Variants in FAM229B observed in about 807,000 individuals in gnomAD.
The protein encoded by FAM229B is family with sequence similarity 229 member B, also known as protein FAM229B.
FAM229B carries 2 observed loss-of-function variants against 6.7 expected under a neutral mutation model. The ratio of observed to expected loss-of-function variants is 0.30; its 90% CI spans 0.12 to 0.94. The LOEUF (loss-of-function observed/expected upper bound fraction) is 0.94. Ranked by LOEUF, FAM229B falls within the 40% of genes least tolerant of loss-of-function variation. The pLI is 0.54. For missense variants in FAM229B, 93 were observed against 96.2 expected (o/e 0.97, Z 0.14); for synonymous variants, 29 against 34.0 (o/e 0.85, Z 0.51).
At chr6:112,096,626 A>C (rs587657618) in intron 1 of FAM229B, among the ~76,000 whole-genome samples, 1 of 152,294 alleles carries the variant, frequency 6.6e-6, no homozygotes, top group East Asian at 1.9e-4. Flanking sequence ...GGGAATTTGA[A>C]GACTCTCTTG....
chr6:112,097,373 CTTAAT>C (rs587760024), intron 2 of FAM229B, among the ~76,000 whole-genome samples, 172 bp downstream of exon 2: 2 of 152,180 alleles, frequency 1.3e-5, no homozygotes, highest in Admixed American at 1.3e-4. Context: ...ATTTTTAAAC[CTTAAT>C]TTAGTTTTAT....
intron 2 of FAM229B, among the ~76,000 whole-genome samples, chr6:112,097,487 A>G (rs1777342097): frequency 6.6e-6 from 1 of 152,074 alleles, no homozygotes; most frequent in Admixed American, 6.5e-5. Context: ...TTTGTGTACT[A>G]ATAGTTGAAT....
intron 1 of FAM229B, among the ~76,000 whole-genome samples, chr6:112,091,109 C>G (rs1255118698): frequency 6.6e-6 from 1 of 152,106 alleles, no homozygotes; most frequent in Non-Finnish European, 1.5e-5. Flanking sequence ...GAGTGTTTCT[C>G]TTTCTGTGGC....
intron 2 of FAM229B, among the ~76,000 whole-genome samples, chr6:112,097,524 T>C (rs782603607): frequency 1.3e-5 from 2 of 151,786 alleles, no homozygotes; most frequent in Non-Finnish European, 2.9e-5. Flanking sequence ...GTTGAATACA[T>C]TGTGTACTAA....
At position 112,097,666 on chromosome 6, in the gene FAM229B, G is replaced by T. The variant is rs587748456; in HGVS notation, c.-15+465G>T. ...GTGTACTAATAGTTGAAAACAGTGT[G>T]TACTAATAGTTGAAAACATTGTGTA... On this transcript the variant is annotated intron_variant, in intron 2 of 3. Transcript: ENST00000368656. Among the ~76,000 whole-genome samples, 5 of 152,020 alleles carry T rather than the reference G, an allele frequency of 3.3e-5. No individual in the cohort carries two copies. The East Asian group carries it at 9.7e-4, about 29-fold the overall frequency.
rs782383733 is a variant in FAM229B, at chr6:112,099,406, C to A, written c.123C>A (p.Thr41=). The change falls in exon 3 of 4, where the codon ACC becomes ACA. Residue 41 remains threonine, a splice_region_variant and synonymous_variant. Coordinates refer to ENST00000368656, the MANE Select transcript of FAM229B (RefSeq NM_001033564.3). The part of the protein sequence containing the change: ...AACNGKEMSP[T]RQLRRCPGSH... The stretch of plus-strand genomic sequence containing the variant: ...GTAATGGGAAGGAGATGTCACCAAC[C>A]AGGTAAAGTCTTCTGTCCTCACAAG... 8.7e-6 allele frequency: 14 copies of A among 1,612,682 alleles called. No homozygotes were observed. Among genetic ancestry groups the A allele is most frequent in the African/African-American group, 1.3e-5 (1 of 74,834 alleles).
chr6:112,099,268 A>G lies in FAM229B; in HGVS notation c.-14-2A>G. On this transcript the variant is annotated splice_acceptor_variant, in intron 2 of 3. Coordinates refer to ENST00000368656, the MANE Select transcript of FAM229B (RefSeq NM_001033564.3). LOFTEE classifies it low-confidence loss of function (5UTR_SPLICE). ...TTTCAATATTTTAACTTTCCGATCT[A>G]GGTTTTCAGTGAAGTATGCCTTTTC... 1 of 1,606,578 alleles carries G rather than the reference A, an allele frequency of 6.2e-7. No homozygotes were observed. Among genetic ancestry groups the G allele is most frequent in the Non-Finnish European group, 8.5e-7 (1 of 1,177,244 alleles).
intron 1 of FAM229B, among the ~76,000 whole-genome samples, chr6:112,091,610 C>T (rs1007470043): frequency 3.0e-4 from 46 of 151,990 alleles, no homozygotes; most frequent in Non-Finnish European, 1.3e-4. Flanking sequence ...ATAGCTGTGT[C>T]CCAGAACAAA....
intron 1 of FAM229B, among the ~76,000 whole-genome samples, chr6:112,090,483 T>C (rs1271847887): frequency 5.3e-5 from 8 of 152,194 alleles, no homozygotes; most frequent in African/African-American, 1.9e-4. Flanking sequence ...TATGGTGACT[T>C]ATATTTTAGA....
At chr6:112,096,983 T>G (rs782186252) in intron 1 of FAM229B, 58 bp from the exon 2 acceptor site, 2 of 152,196 alleles carry the variant, frequency 1.3e-5, no homozygotes, top group Non-Finnish European at 2.9e-5. Flanking sequence ...TAGAGAAAAT[T>G]TTTAGCTAAG....
In FAM229B at chr6:112,097,045, T is replaced by C. The variant is rs1362997746; in HGVS notation, c.-171T>C. The C allele has an allele frequency of 1.3e-5, 2 of 152,202 alleles. No individual in the cohort carries two copies. The highest frequency in any genetic ancestry group is 2.4e-5 in the African/African-American group (1 of 41,440). 9.4% of individuals were successfully genotyped at this position (152,202 alleles called of 1,614,324 possible). ...TTGAGATGTTTGATTCTTTAGCAGG[T>C]AGGAAACTATGTGAAAGAATCTCCT... On this transcript the variant is annotated 5_prime_UTR_variant, in exon 2 of 4. Coordinates refer to ENST00000368656, the MANE Select transcript of FAM229B (RefSeq NM_001033564.3).
rs1777402529 is a variant in FAM229B, at chr6:112,101,782, A to G, written c.*995A>G. On this transcript the variant is annotated 3_prime_UTR_variant, in exon 4 of 4. Coordinates refer to ENST00000368656, the MANE Select transcript of FAM229B (RefSeq NM_001033564.3). Reference sequence around the variant, plus strand: ...GCCTTTTAAAATGAAAAGTTTATTAACTTATAATTAAATAGACGTAGATGC... The same window carrying G: ...GCCTTTTAAAATGAAAAGTTTATTAGCTTATAATTAAATAGACGTAGATGC... 6.6e-6 allele frequency: 1 copy of G among 152,170 alleles called. No homozygotes were observed. The highest frequency in any genetic ancestry group is 2.4e-5 in the African/African-American group (1 of 41,446). 9.4% of individuals were successfully genotyped at this position (152,170 alleles called of 1,614,324 possible). A position where few individuals can be genotyped will look rare whatever the true frequency, so the allele number is the denominator to read the frequency against.
At chr6:112,092,719 A>G (rs986100366) in intron 1 of FAM229B, among the ~76,000 whole-genome samples, 5 of 152,198 alleles carry the variant, frequency 3.3e-5, no homozygotes, top group Admixed American at 6.5e-5. Context: ...TACTATAGAT[A>G]GAATTAAAGT....
chr6:112,088,293 T>G (rs1777207049), intron 1 of FAM229B, among the ~76,000 whole-genome samples: 1 of 152,168 alleles, frequency 6.6e-6, no homozygotes, highest in Admixed American at 6.5e-5. Flanking sequence ...AGGAGAAGAT[T>G]AAAAAGTTAG....
chr6:112,092,042 A>G (rs1171577112), intron 1 of FAM229B, among the ~76,000 whole-genome samples: 2 of 152,152 alleles, frequency 1.3e-5, no homozygotes, highest in Admixed American at 1.3e-4. Context: ...ACAGAGAACA[A>G]AAAGATTTTT....
In FAM229B at chr6:112,101,577, T is replaced by C. The variant is rs1220559432; in HGVS notation, c.*790T>C. 6.6e-6 allele frequency: 1 copy of C among 152,174 alleles called. No individual in the cohort carries two copies. Among genetic ancestry groups the C allele is most frequent in the Non-Finnish European group, 1.5e-5 (1 of 68,042 alleles). 9.4% of individuals were successfully genotyped at this position (152,174 alleles called of 1,614,324 possible). On this transcript the variant is annotated 3_prime_UTR_variant, in exon 4 of 4. Transcript: ENST00000368656. The stretch of plus-strand genomic sequence containing the variant: ...ACTTTTGAGGATGAGGCCAGCTCTC[T>C]ATGTTCTCTTTTTCTTCTTGCAGTA...
At chr6:112,099,474 G>A in intron 3 of FAM229B, 66 bp downstream of exon 3, 3 of 1,433,654 alleles carry the variant, frequency 2.1e-6, no homozygotes, top group Non-Finnish European at 1.9e-6. Flanking sequence ...ACCTTCAGCT[G>A]ATATTCATTA....
At chr6:112,095,632 T>C (rs1554318563) in intron 1 of FAM229B, among the ~76,000 whole-genome samples, 2 of 60,242 alleles carry the variant, frequency 3.3e-5, no homozygotes, top group South Asian at 6.1e-4. Flanking sequence ...CAAGACCCTG[T>C]CTCAAAAAAA....
At position 112,099,478 on chromosome 6, in the gene FAM229B, T is replaced by C. The variant is rs1435730498; in HGVS notation, c.125+70T>C. The C allele has an allele frequency of 2.8e-6, 4 of 1,420,688 alleles. No homozygotes were observed. In the African/African-American group the frequency reaches 4.3e-5, roughly 15 times the overall value. 88.0% of individuals were successfully genotyped at this position (1,420,688 alleles called of 1,614,324 possible). Reference sequence around the variant, plus strand: ...TCATCAATACAACCTTCAGCTGATATTCATTATTAGCAAGAAAAAACTCTC... The same window carrying C: ...TCATCAATACAACCTTCAGCTGATACTCATTATTAGCAAGAAAAAACTCTC... On this transcript the variant is annotated intron_variant, in intron 3 of 3. Transcript: ENST00000368656.
Sources: gnomAD v4.1 joint callset for allele counts (sites outside exome capture counted in the v4.1 genomes callset) on GRCh38, gnomAD v4.1.1 for gene constraint, MANE v1.5 for transcripts, NCBI Gene and HGNC (gene_info 2026-07-23, HGNC 2026-07-21) for gene names.